The following DIDO1 variants were observed in gnomAD, a reference collection of about 807,000 sequenced individuals.
The protein encoded by DIDO1 is death inducer-obliterator 1.
In DIDO1, 16 loss-of-function variants were observed where a neutral mutation model predicts 99.4. The ratio of observed to expected loss-of-function variants is 0.16; its 90% CI spans 0.11 to 0.24. DIDO1 has a LOEUF of 0.24. Among genes scored for constraint, DIDO1 ranks in the 10% least tolerant of loss-of-function variants. The pLI, the probability that DIDO1 is intolerant of heterozygous loss-of-function variation, is 1.00. For missense variants in DIDO1, 2,996 were observed against 3,014.0 expected (o/e 0.99, Z 0.14); for synonymous variants, 1,366 against 1,239.1 (o/e 1.10, Z -2.15).
At chr20:62,929,404 G>A (rs749365595), upstream of DIDO1, 3 of 152,332 alleles carry the variant, frequency 2.0e-5, no homozygotes, top group African/African-American at 4.8e-5. Context: ...CCCGCTCCGG[G>A]GGACACCCAC....
At chr20:62,909,181 A>C (rs113111118) in intron 4 of DIDO1, among the ~76,000 whole-genome samples, 129 of 152,356 alleles carry the variant, frequency 8.5e-4, no homozygotes, top group Admixed American at 1.6e-3. Flanking sequence ...GAGTGAAAAC[A>C]CGCCAAGTCA....
chr20:62,925,454 G>A (rs2065234034), intron 1 of DIDO1, among the ~76,000 whole-genome samples: 1 of 152,168 alleles, frequency 6.6e-6, no homozygotes, highest in African/African-American at 2.4e-5. Context: ...GTTCCCATCT[G>A]CCTTTCCCTC....
At position 62,905,892 on chromosome 20, in the gene DIDO1, T is replaced by A. The variant is rs781436546; in HGVS notation, c.1583A>T (p.Tyr528Phe). 5.0e-6 allele frequency: 8 copies of A among 1,614,200 alleles called. No individual in the cohort carries two copies. In the East Asian group the frequency reaches 1.8e-4, roughly 36 times the overall value. ...AACCCCTAGGTGATACATACATTTA[T>A]ACAACAGTGACGGCGAGGGAGCAGC... is the stretch of plus-strand genomic sequence containing the variant. ...KTAAPSPSLL[Y>F]KSTKEDRRSE... The change falls in exon 6 of 16, where the codon TAT becomes TTT. Residue 528 changes from tyrosine to phenylalanine, a missense_variant. Tyr to Phe is a conservative substitution (Grantham distance 22). This residue lies in a region of DIDO1 where 898 missense variants were observed against 972.7 expected (regional missense o/e 0.92). Coordinates refer to ENST00000395343, the MANE Select transcript of DIDO1 (RefSeq NM_001193369.2).
chr20:62,908,513 C>T (rs2064855825), intron 4 of DIDO1, among the ~76,000 whole-genome samples: 1 of 152,224 alleles, frequency 6.6e-6, no homozygotes. Context: ...AGCTTGACCA[C>T]TGCTGTTTAC....
At chr20:62,926,101 T>C (rs1193413555) in intron 1 of DIDO1, among the ~76,000 whole-genome samples, 1 of 151,506 alleles carries the variant, frequency 6.6e-6, no homozygotes, top group African/African-American at 2.4e-5. Flanking sequence ...CCCTGCGCTC[T>C]TCCCCGCGAG....
intron 8 of DIDO1, 101 bp from the exon 9 acceptor site, chr20:62,895,266 G>T: frequency 1.8e-6 from 2 of 1,091,450 alleles, no homozygotes; most frequent in South Asian, 1.4e-5. Context: ...AGCGGGCACA[G>T]GACAAAGGCC....
Position 62,879,494 on chromosome 20 carries a change from G to A in DIDO1, c.6462C>T (p.Ser2154=), listed in dbSNP as rs780548530. ...CCTCGCGCTCTCGGTCGCGGTTGGC[G>A]CTCCTCTCCCGGTTTCTGTCCCAGT... ...SRDWDRNRER[S]ANRDREREAD... The change falls in exon 16 of 16, where the codon AGC becomes AGT. Residue 2154 remains serine (S), a synonymous_variant. Coordinates refer to ENST00000395343, the MANE Select transcript of DIDO1 (RefSeq NM_001193369.2). This position sits in a 1 kb window ranked among gnomAD's most constrained non-coding sequence, Gnocchi z 6.3. 2.1e-5 allele frequency: 33 copies of A among 1,593,924 alleles called. No homozygotes were observed. Among genetic ancestry groups the A allele is most frequent in the Non-Finnish European group, 2.5e-5 (29 of 1,176,872 alleles).
intron 6 of DIDO1, among the ~76,000 whole-genome samples, chr20:62,903,328 G>A (rs751938825): frequency 2.0e-5 from 3 of 152,216 alleles, no homozygotes; most frequent in Admixed American, 6.5e-5. Flanking sequence ...GGGAAGGACA[G>A]GAGGGTGCCT....
intron 1 of DIDO1, among the ~76,000 whole-genome samples, chr20:62,937,395 C>T (rs1251950719): frequency 6.6e-6 from 1 of 152,184 alleles, no homozygotes; most frequent in Non-Finnish European, 1.5e-5. Context: ...CCGAGTAACC[C>T]CGGCCCTGCC....
rs1468735109 is a variant in DIDO1, at chr20:62,911,190, CTTT to C, written c.420_422del (p.Lys141del). The C allele has an allele frequency of 2.5e-6, 4 of 1,613,846 alleles. No homozygotes were observed. Among genetic ancestry groups the C allele is most frequent in the Non-Finnish European group, 3.4e-6 (4 of 1,180,042 alleles). ...CATCGTGGTCATCCCCTCCTTTCACCTTTTCAGAAGAGGCTGGTCGTTCCTTCA... is the reference window on the plus strand; with the variant it reads ...CATCGTGGTCATCCCCTCCTTTCACCTCAGAAGAGGCTGGTCGTTCCTTCA... On this transcript the variant is annotated inframe_deletion, in exon 3 of 16. Transcript: ENST00000395343. The surrounding 1 kb of genome is among the most constrained non-coding windows in gnomAD (Gnocchi z 7.0).
At chr20:62,929,714 CCTA>C (rs1227215668), upstream of DIDO1, among the ~76,000 whole-genome samples, 2 of 70,644 alleles carry the variant, frequency 2.8e-5, no homozygotes, top group Admixed American at 1.4e-4. Flanking sequence ...TATATATATG[CCTA>C]CTGTTTTCTT....
intron 6 of DIDO1, among the ~76,000 whole-genome samples, chr20:62,898,177 A>T (rs1212425618): frequency 6.6e-6 from 1 of 152,230 alleles, no homozygotes; most frequent in Non-Finnish European, 1.5e-5. Flanking sequence ...GACCGCTTTC[A>T]ATAAATGAGG....
intron 1 of DIDO1, among the ~76,000 whole-genome samples, chr20:62,914,631 C>T (rs985220163): frequency 2.0e-5 from 3 of 152,044 alleles, no homozygotes; most frequent in Non-Finnish European, 2.9e-5. Context: ...GCCGGGGCAG[C>T]GCAGGAAGGA....
chr20:62,916,385 A>G (rs1340781405), intron 1 of DIDO1, among the ~76,000 whole-genome samples: 1 of 152,186 alleles, frequency 6.6e-6, no homozygotes, highest in Non-Finnish European at 1.5e-5. Flanking sequence ...GCGGCGATTC[A>G]AGCAGAGGAC....
Position 62,894,281 on chromosome 20 carries a change from C to T in DIDO1, c.2573-87G>A. 2 of 1,573,472 alleles carry T rather than the reference C, an allele frequency of 1.3e-6. No homozygotes were observed. The highest frequency in any genetic ancestry group is 8.6e-7 in the Non-Finnish European group (1 of 1,158,738). On this transcript the variant is annotated intron_variant, in intron 11 of 15. Transcript: ENST00000395343. The surrounding 1 kb of genome is among the most constrained non-coding windows in gnomAD (Gnocchi z 4.4). ...AAAGCCGAAAGCAATACTCTAAAGGCAGGGCAGGAAATCATTCTGGCCCTT... is the reference window on the plus strand; with the variant it reads ...AAAGCCGAAAGCAATACTCTAAAGGTAGGGCAGGAAATCATTCTGGCCCTT...
At chr20:62,929,692 A>AAAAAAAAAAAATATATATATATATATAT, upstream of DIDO1, among the ~76,000 whole-genome samples, 6 of 63,702 alleles carry the variant, frequency 9.4e-5, no homozygotes, top group African/African-American at 4.6e-4. Context: ...AAAAAGAAAA[A>AAAAAAAAAAAATATATATATATATATAT]GTGTATATAT....
chr20:62,893,684 G>A lies in DIDO1; in HGVS notation c.3083C>T (p.Pro1028Leu), dbSNP rs752442590. 2 of 1,602,664 alleles carry A rather than the reference G, an allele frequency of 1.2e-6. No individual in the cohort carries two copies. Among genetic ancestry groups the A allele is most frequent in the African/African-American group, 1.3e-5 (1 of 74,874 alleles). The change falls in exon 12 of 16, where the codon CCT becomes CTT. Residue 1028 changes from proline (P) to leucine (L), a missense_variant. Physicochemically the swap from Pro to Leu is moderately conservative, Grantham distance 98. Transcript: ENST00000395343. ...TACGCACCTGATATTTGGTGACGGA[G>A]GAACTGACAGGTATCTTGGGTCAGG... ...SSPDPRYLSV[P>L]PSPNISTSES...
chr20:62,905,544 G>A (rs184867884), intron 6 of DIDO1: 140 of 1,551,012 alleles, frequency 9.0e-5, no homozygotes, highest in Non-Finnish European at 1.1e-4. Flanking sequence ...GTGGCGTGCC[G>A]GGCAGTGTGG....
At chr20:62,912,288 C>A (rs1051378681) in intron 2 of DIDO1, among the ~76,000 whole-genome samples, 1 of 152,236 alleles carries the variant, frequency 6.6e-6, no homozygotes. Context: ...TGTGAGAGAA[C>A]TGCCTAACTC....
Sources: gnomAD v4.1 joint callset for allele counts (sites outside exome capture counted in the v4.1 genomes callset) on GRCh38, gnomAD v4.1.1 for gene constraint, gnomAD v4.1.1 regional missense constraint, Gnocchi (gnomAD v3.1) non-coding constraint, MANE v1.5 for transcripts, NCBI Gene and HGNC (gene_info 2026-07-23, HGNC 2026-07-21) for gene names.